The following PCDH11X variants were observed in gnomAD, a reference collection of about 807,000 sequenced individuals.
PCDH11X encodes the protein protocadherin 11 X-linked, also known as protocadherin-11 X-linked.
Under a neutral mutation model 53.3 loss-of-function variants are expected in PCDH11X, and 18 were observed. That is an observed-to-expected ratio of 0.34 (90% CI 0.23 to 0.50). PCDH11X has a LOEUF of 0.50. Ranked by LOEUF, PCDH11X falls within the 20% of genes least tolerant of loss-of-function variation. PCDH11X has a pLI of 0.98. For synonymous variants in PCDH11X, 279 were observed against 393.3 expected, an observed-to-expected ratio of 0.71 and a Z score of 3.44; for missense variants, 570 against 1,032.4, an observed-to-expected ratio of 0.55 and a Z score of 6.14.
At chrX:91,780,071 G>A (rs1240818174) in intron 1 of PCDH11X, among the ~76,000 whole-genome samples, 2 of 112,039 alleles carry the variant, frequency 1.8e-5, no homozygotes, top group African/African-American at 6.5e-5. Context: ...GGCGGGTGTT[G>A]ACAAAAGAGC....
At chrX:92,243,647 C>T (rs1243125822) in intron 7 of PCDH11X, among the ~76,000 whole-genome samples, 1 of 110,804 alleles carries the variant, frequency 9.0e-6, no homozygotes, top group Admixed American at 9.6e-5. Context: ...ACTAAAGATG[C>T]CTTAGTAGTG....
chrX:92,614,429 A>C (rs1927756836), intron 10 of PCDH11X, among the ~76,000 whole-genome samples: 1 of 104,593 alleles, frequency 9.6e-6, no homozygotes, highest in Non-Finnish European at 2.0e-5. Context: ...CTGTAACCCT[A>C]TGTAGTTTCG....
At chrX:92,250,027 G>A (rs1421173593) in intron 7 of PCDH11X, among the ~76,000 whole-genome samples, 9 of 110,783 alleles carry the variant, frequency 8.1e-5, no homozygotes, top group African/African-American at 2.0e-4. Flanking sequence ...ATTGTCATTC[G>A]CTCTAACGGA....
intron 9 of PCDH11X, among the ~76,000 whole-genome samples, chrX:92,446,354 G>C (rs1185673089): frequency 1.8e-5 from 2 of 110,749 alleles, no homozygotes; most frequent in African/African-American, 6.6e-5. Context: ...TGGTTTCACT[G>C]TGTCCCAACC....
At chrX:92,500,318 A>G (rs1251628331) in intron 10 of PCDH11X, among the ~76,000 whole-genome samples, 1 of 111,643 alleles carries the variant, frequency 9.0e-6, no homozygotes, top group Admixed American at 9.6e-5. Context: ...AAATCAACTG[A>G]TTTCTCCTAC....
At chrX:91,998,153 C>T (rs1167858771) in intron 6 of PCDH11X, among the ~76,000 whole-genome samples, 2 of 110,048 alleles carry the variant, frequency 1.8e-5, no homozygotes, top group African/African-American at 3.3e-5. Context: ...AGGCTGGGCT[C>T]GAACTCCTGA....
At chrX:92,149,811 C>T (rs1443015965) in intron 6 of PCDH11X, among the ~76,000 whole-genome samples, 2 of 110,796 alleles carry the variant, frequency 1.8e-5, no homozygotes, top group Admixed American at 1.9e-4. Flanking sequence ...TATTAGTTTG[C>T]TTTTTCAAGA....
At chrX:91,842,247 T>A (rs1443820321) in intron 5 of PCDH11X, among the ~76,000 whole-genome samples, 2 of 111,158 alleles carry the variant, frequency 1.8e-5, no homozygotes, top group African/African-American at 6.5e-5. Context: ...AAATTAAATT[T>A]TAGCAGATTG....
intron 6 of PCDH11X, among the ~76,000 whole-genome samples, chrX:92,063,332 A>G (rs778614570): frequency 3.0e-5 from 3 of 101,334 alleles, no homozygotes; most frequent in Non-Finnish European, 5.9e-5. Flanking sequence ...CCAGAACTTA[A>G]AGTATTAAAA....
At chrX:92,301,064 A>G in intron 8 of PCDH11X, among the ~76,000 whole-genome samples, 1 of 110,620 alleles carries the variant, frequency 9.0e-6, no homozygotes, top group Middle Eastern at 4.7e-3. Context: ...GGCTGTGGGC[A>G]AGTGCTTGCT....
At chrX:91,892,229 G>T (rs1404497025) in intron 6 of PCDH11X, among the ~76,000 whole-genome samples, 1 of 106,493 alleles carries the variant, frequency 9.4e-6, no homozygotes, top group African/African-American at 3.4e-5. Context: ...CCTGACATTT[G>T]TCCCGTTGCC....
chrX:92,123,551 T>C (rs1412084674), intron 6 of PCDH11X, among the ~76,000 whole-genome samples: 1 of 108,604 alleles, frequency 9.2e-6, no homozygotes, highest in African/African-American at 3.4e-5. Flanking sequence ...CATTAAATGG[T>C]ACTAATACTG....
At chrX:92,133,733 T>A (rs2065034960) in intron 6 of PCDH11X, among the ~76,000 whole-genome samples, 1 of 112,363 alleles carries the variant, frequency 8.9e-6, no homozygotes, top group African/African-American at 3.2e-5. Flanking sequence ...GGACTGTGCA[T>A]AGAGATGGAC....
At chrX:92,387,459 A>G (rs983165788) in intron 8 of PCDH11X, among the ~76,000 whole-genome samples, 4 of 112,173 alleles carry the variant, frequency 3.6e-5, no homozygotes, top group Non-Finnish European at 7.5e-5. Context: ...CAAATATGCT[A>G]TAAAGCTGAC....
At chrX:92,252,370 A>G (rs912688708) in intron 7 of PCDH11X, among the ~76,000 whole-genome samples, 2 of 94,128 alleles carry the variant, frequency 2.1e-5, no homozygotes, top group African/African-American at 5.1e-5. Flanking sequence ...CTAGTTTGTC[A>G]TGTTACACAC....
intron 6 of PCDH11X, among the ~76,000 whole-genome samples, chrX:92,116,206 G>A (rs1482990543): frequency 8.9e-6 from 1 of 112,241 alleles, no homozygotes; most frequent in African/African-American, 3.2e-5. Flanking sequence ...GACCAGAACT[G>A]GGGTTAATCC....
intron 6 of PCDH11X, among the ~76,000 whole-genome samples, chrX:92,178,408 C>G (rs1208001195): frequency 8.9e-6 from 1 of 111,877 alleles, no homozygotes; most frequent in Admixed American, 9.5e-5. Flanking sequence ...ATTTATTTGA[C>G]ATTCACAGTC....
chrX:91,885,950 G>A (rs1372829700), intron 6 of PCDH11X, among the ~76,000 whole-genome samples: 1 of 111,172 alleles, frequency 9.0e-6, no homozygotes, highest in Non-Finnish European at 1.9e-5. Context: ...TTAAATTTGG[G>A]CCATAGATGA....
chrX:92,468,742 GTA>G (rs2073204338), intron 10 of PCDH11X, among the ~76,000 whole-genome samples: 1 of 96,187 alleles, frequency 1.0e-5, no homozygotes, highest in South Asian at 5.3e-4. Flanking sequence ...TCTATAAATT[GTA>G]TATGTTTTCT....
Sources: gnomAD v4.1 joint callset for allele counts (sites outside exome capture counted in the v4.1 genomes callset) on GRCh38, gnomAD v4.1.1 for gene constraint, MANE v1.5 for transcripts, NCBI Gene and HGNC (gene_info 2026-07-23, HGNC 2026-07-21) for gene names.